Variants in MRPS28 observed in about 807,000 individuals in gnomAD.
MRPS28 encodes mitochondrial ribosomal protein S28.
A neutral mutation model predicts 10.8 loss-of-function variants in MRPS28; 7 were observed. The ratio of observed to expected loss-of-function variants is 0.65; its 90% CI spans 0.37 to 1.22. The LOEUF (loss-of-function observed/expected upper bound fraction) is 1.22. Ranked by LOEUF, MRPS28 falls within the 50% of genes most tolerant of loss-of-function variation. The probability of loss-of-function intolerance (pLI) is 0.02; values close to 1 mark genes in which losing one functional copy is unlikely to be tolerated. For synonymous variants in MRPS28, 121 were observed against 93.3 expected, an observed-to-expected ratio of 1.30 and a Z score of -1.71; for missense variants, 265 against 232.9, an observed-to-expected ratio of 1.14 and a Z score of -0.90.
intron 1 of MRPS28, among the ~76,000 whole-genome samples, chr8:80,023,639 T>G (rs115063745): frequency 0.017 from 2,635 of 152,316 alleles, 77 homozygotes; most frequent in African/African-American, 0.058. Context: ...GTATTTTAAA[T>G]AAATTTAAAA....
intron 1 of MRPS28, among the ~76,000 whole-genome samples, chr8:80,024,339 G>C (rs1809445780): frequency 6.6e-6 from 1 of 152,160 alleles, no homozygotes; most frequent in Admixed American, 6.5e-5. Flanking sequence ...AGAAAAGTAG[G>C]TAAGTGAGCA....
At chr8:80,020,280 G>A (rs6989265) in intron 1 of MRPS28, among the ~76,000 whole-genome samples, 13,048 of 152,134 alleles carry the variant, frequency 0.086, 1,678 homozygotes, top group African/African-American at 0.28. Context: ...GACTTAAAGA[G>A]TCATTTCTAT....
intron 2 of MRPS28, among the ~76,000 whole-genome samples, chr8:79,944,840 T>C (rs1445918551): frequency 1.3e-5 from 2 of 151,890 alleles, no homozygotes; most frequent in African/African-American, 2.4e-5. Flanking sequence ...ACCACAGGTA[T>C]GCACCACAAT....
intron 2 of MRPS28, among the ~76,000 whole-genome samples, chr8:79,951,000 T>C (rs755698705): frequency 9.9e-5 from 15 of 152,216 alleles, no homozygotes; most frequent in South Asian, 2.1e-4. Context: ...ATTTTATTCA[T>C]GTAGCCACCC....
At chr8:79,919,937 T>TCCCTCCG (rs1810033344) in intron 2 of MRPS28, among the ~76,000 whole-genome samples, 2 of 102,166 alleles carry the variant, frequency 2.0e-5, no homozygotes, top group Non-Finnish European at 3.8e-5. Context: ...CCTAATGCTA[T>TCCCTCCG]CCCTCCCCCC....
chr8:79,920,862 G>C lies in MRPS28; in HGVS notation c.396-1714C>G, dbSNP rs556710752. 3.6e-4 allele frequency among the ~76,000 whole-genome samples: 55 copies of C among 152,146 alleles called. 1 individual carries two copies. The South Asian group carries it at 5.0e-3, about 14-fold the overall frequency. On this transcript the variant is annotated intron_variant, in intron 2 of 2. Coordinates refer to ENST00000276585, the MANE Select transcript of MRPS28 (RefSeq NM_014018.3). ...GGTGTTTTAGACATGAAGTCCTTGC[G>C]CATGCCTATGTCCTGAATAGTATTG...
At chr8:79,933,332 C>G (rs1380551342) in intron 2 of MRPS28, among the ~76,000 whole-genome samples, 1 of 152,186 alleles carries the variant, frequency 6.6e-6, no homozygotes, top group Non-Finnish European at 1.5e-5. Context: ...TGTTCTTTCA[C>G]ATTTCTTCCT....
At chr8:80,023,242 A>G (rs1809413795) in intron 1 of MRPS28, among the ~76,000 whole-genome samples, 1 of 152,242 alleles carries the variant, frequency 6.6e-6, no homozygotes, top group South Asian at 2.1e-4. Context: ...ATTCCTTTAC[A>G]TATCAAATAG....
intron 2 of MRPS28, among the ~76,000 whole-genome samples, chr8:79,949,467 G>A (rs144224410): frequency 1.4e-4 from 21 of 151,330 alleles, no homozygotes; most frequent in Non-Finnish European, 2.5e-4. Flanking sequence ...GCTTTTGGGC[G>A]AAGCCTAGTA....
intron 2 of MRPS28, among the ~76,000 whole-genome samples, chr8:80,002,412 ACTT>A (rs1017093753): frequency 1.4e-4 from 22 of 152,224 alleles, no homozygotes; most frequent in African/African-American, 5.1e-4. Context: ...AAAAAAAATC[ACTT>A]CTATCTCGTT....
At chr8:80,006,984 A>C (rs1808867356) in intron 1 of MRPS28, among the ~76,000 whole-genome samples, 1 of 152,180 alleles carries the variant, frequency 6.6e-6, no homozygotes, top group Admixed American at 6.5e-5. Context: ...AGAATTTTAG[A>C]CCAATATCCT....
At chr8:80,003,223 GA>G in intron 1 of MRPS28, 43 bp from the exon 2 acceptor site, 1 of 1,330,586 alleles carries the variant, frequency 7.5e-7, no homozygotes, top group Non-Finnish European at 9.9e-7. Context: ...AACTCAACAT[GA>G]AGGTATAATA....
chr8:79,926,913 G>A (rs946126929), intron 2 of MRPS28, among the ~76,000 whole-genome samples: 8 of 152,126 alleles, frequency 5.3e-5, no homozygotes, highest in African/African-American at 1.9e-4. Flanking sequence ...CGCACATTTG[G>A]GAAAACACTT....
At chr8:79,950,562 A>G (rs2129968060) in intron 2 of MRPS28, among the ~76,000 whole-genome samples, 1 of 152,368 alleles carries the variant, frequency 6.6e-6, no homozygotes, top group South Asian at 2.1e-4. Flanking sequence ...ACATATACAC[A>G]CACACACAAG....
At chr8:79,986,753 C>T (rs1319381366) in intron 2 of MRPS28, among the ~76,000 whole-genome samples, 7 of 150,726 alleles carry the variant, frequency 4.6e-5, no homozygotes, top group African/African-American at 1.2e-4. Flanking sequence ...GAACTACAAA[C>T]CACTGCTCAA....
At chr8:79,988,671 A>G (rs28455782) in intron 2 of MRPS28, among the ~76,000 whole-genome samples, 3,499 of 152,260 alleles carry the variant, frequency 0.023, 91 homozygotes, top group African/African-American at 0.06. Context: ...GTATTCTTTA[A>G]TTATTATAGT....
At chr8:79,997,802 C>T (rs1808541826) in intron 2 of MRPS28, among the ~76,000 whole-genome samples, 1 of 152,090 alleles carries the variant, frequency 6.6e-6, no homozygotes, top group South Asian at 2.1e-4. Flanking sequence ...AGCCTGTAAT[C>T]CCAGCACTTT....
intron 1 of MRPS28, among the ~76,000 whole-genome samples, chr8:80,006,783 C>T (rs1808862163): frequency 1.3e-5 from 2 of 152,144 alleles, no homozygotes; most frequent in Non-Finnish European, 2.9e-5. Flanking sequence ...TAATTAATAG[C>T]CTACCAACCA....
At chr8:79,939,245 C>T (rs1586046484) in intron 2 of MRPS28, among the ~76,000 whole-genome samples, 1 of 152,366 alleles carries the variant, frequency 6.6e-6, no homozygotes, top group East Asian at 1.9e-4. Context: ...AAAGTCATTG[C>T]TTGCCAAGGA....
Sources: gnomAD v4.1 joint callset for allele counts (sites outside exome capture counted in the v4.1 genomes callset) on GRCh38, gnomAD v4.1.1 for gene constraint, MANE v1.5 for transcripts, NCBI Gene and HGNC (gene_info 2026-07-23, HGNC 2026-07-21) for gene names.